Variants in EBF3 observed in about 807,000 individuals in gnomAD.
The protein encoded by EBF3 is transcription factor COE3.
EBF3 carries 18 observed loss-of-function variants against 77.1 expected under a neutral mutation model. The ratio of observed to expected loss-of-function variants is 0.23; its 90% confidence interval spans 0.16 to 0.35. EBF3 has a LOEUF of 0.35. EBF3 is among the 10% of genes least tolerant of loss of function. The pLI, the probability that EBF3 is intolerant of heterozygous loss-of-function variation, is 1.00. For missense variants in EBF3, 558 were observed against 860.0 expected, an observed-to-expected ratio of 0.65 and a Z score of 4.39; for synonymous variants, 350 against 343.5, an observed-to-expected ratio of 1.02 and a Z score of -0.21.
chr10:129,938,994 C>T lies in EBF3; in HGVS notation c.554+18264G>A, dbSNP rs61874158. On this transcript the variant is annotated intron_variant, in intron 6 of 16. Transcript: ENST00000440978. The surrounding 1 kb of genome is among the most constrained non-coding windows in gnomAD (Gnocchi z 5.1). ...CCTGTCCCAAACAAATAAATGAGGG[C>T]TCTTGATGTCTTTCTTTTTCAGAGG... Among the ~76,000 whole-genome samples the T allele has an allele frequency of 7.4e-3, 1,122 of 152,314 alleles. 8 individuals are homozygous for T. Among genetic ancestry groups the T allele is most frequent in the Non-Finnish European group, 0.012 (838 of 68,022 alleles).
In EBF3 at chr10:129,842,340, C is replaced by A. The variant is rs1424592393; in HGVS notation, c.1195-47G>T. On this transcript the variant is annotated intron_variant, in intron 12 of 16. Transcript: ENST00000440978. The surrounding 1 kb of genome is among the most constrained non-coding windows in gnomAD (Gnocchi z 4.4). ...GCCGGCCTGTCACCCCAGGCCCGGC[C>A]CAGCTGGCCGCACTCTCGGGGGCCC... 2 of 1,532,892 alleles carry A rather than the reference C, an allele frequency of 1.3e-6. No homozygotes were observed. Among genetic ancestry groups the A allele is most frequent in the Non-Finnish European group, 1.8e-6 (2 of 1,141,370 alleles). The allele number at this position is 1,532,892 out of a possible 1,614,324, so 95.0% of individuals were successfully genotyped here.
intron 7 of EBF3, among the ~76,000 whole-genome samples, chr10:129,876,514 A>T (rs1028058650): frequency 2.0e-5 from 3 of 152,250 alleles, no homozygotes; most frequent in African/African-American, 7.2e-5. Flanking sequence ...GGCGGGCCCA[A>T]AGAGCCCGCC....
At chr10:129,920,251 G>A (rs1479920966) in intron 6 of EBF3, among the ~76,000 whole-genome samples, 1 of 113,086 alleles carries the variant, frequency 8.8e-6, no homozygotes, top group East Asian at 3.3e-4. Flanking sequence ...CCACAAACCC[G>A]CCCCGCTGTG....
chr10:129,877,457 G>C (rs1852865287), intron 7 of EBF3, among the ~76,000 whole-genome samples: 1 of 145,852 alleles, frequency 6.9e-6, no homozygotes, highest in East Asian at 2.0e-4. Context: ...CTCTAGCCTG[G>C]GATACAGAGC....
chr10:129,838,731 A>G (rs1849789171), intron 16 of EBF3, among the ~76,000 whole-genome samples: 1 of 152,262 alleles, frequency 6.6e-6, no homozygotes, highest in Non-Finnish European at 1.5e-5. Context: ...TGTCAGAATG[A>G]TCGTTCTCAT....
intron 10 of EBF3, among the ~76,000 whole-genome samples, chr10:129,852,474 C>T (rs1003109092): frequency 6.6e-6 from 1 of 152,144 alleles, no homozygotes; most frequent in East Asian, 1.9e-4. Flanking sequence ...AGAGACGTAC[C>T]GGCGGGCAGG....
At position 129,963,956 on chromosome 10, in the gene EBF3, C is replaced by G; in HGVS notation, c.-188G>C. Reference sequence around the variant, plus strand: ...TACACCAGCGGCCGGGCGCTCCGGACGGCCAGGGGCGCGGAGGCGGCTCCA... The same window carrying G: ...TACACCAGCGGCCGGGCGCTCCGGAGGGCCAGGGGCGCGGAGGCGGCTCCA... On this transcript the variant is annotated 5_prime_UTR_variant, in exon 1 of 17. Transcript: ENST00000440978. This position sits in a 1 kb window ranked among gnomAD's most constrained non-coding sequence, Gnocchi z 7.1. 1 of 1,031,532 alleles carries G rather than the reference C, an allele frequency of 9.7e-7. No homozygotes were observed. The highest frequency in any genetic ancestry group is 1.7e-5 in the African/African-American group (1 of 58,010). The allele number at this position is 1,031,532 out of a possible 1,614,324, so 63.9% of individuals were successfully genotyped here. A position where few individuals can be genotyped will look rare whatever the true frequency, so the allele number is the denominator to read the frequency against.
chr10:129,873,030 C>T (rs1452532668), intron 8 of EBF3, among the ~76,000 whole-genome samples: 1 of 152,196 alleles, frequency 6.6e-6, no homozygotes, highest in Non-Finnish European at 1.5e-5. Context: ...CATGCACACG[C>T]ACTCCAGCCA....
chr10:129,867,774 G>C lies in EBF3; in HGVS notation c.912+8C>G. The C allele has an allele frequency of 1.2e-6, 2 of 1,613,138 alleles. No homozygotes were observed. Among genetic ancestry groups the C allele is most frequent in the South Asian group, 2.2e-5 (2 of 91,048 alleles). On this transcript the variant is annotated splice_region_variant and intron_variant, in intron 9 of 16. Transcript: ENST00000440978. ...ACAGCGCGAAGCTGACCGAGTCCGCGGGCTTACCTCGCTCCACACCAACAT... is the reference window on the plus strand; with the variant it reads ...ACAGCGCGAAGCTGACCGAGTCCGCCGGCTTACCTCGCTCCACACCAACAT...
At chr10:129,867,975 TCGG>T in intron 8 of EBF3, 63 bp from the exon 9 acceptor site, 2 of 1,586,320 alleles carry the variant, frequency 1.3e-6, no homozygotes, top group Non-Finnish European at 1.7e-6. Context: ...GCTGGGCCGC[TCGG>T]CCACCGCGCG....
At chr10:129,856,815 T>C (rs1851285269) in intron 10 of EBF3, among the ~76,000 whole-genome samples, 1 of 152,250 alleles carries the variant, frequency 6.6e-6, no homozygotes, top group South Asian at 2.1e-4. Flanking sequence ...ATACTTTGGG[T>C]GAATTCTGTA....
Position 129,841,130 on chromosome 10 carries a change from T to C in EBF3, c.1373-98A>G. 7.5e-6 allele frequency: 11 copies of C among 1,473,134 alleles called. No homozygotes were observed. The highest frequency in any genetic ancestry group is 1.0e-5 in the Non-Finnish European group (11 of 1,096,294). The allele number at this position is 1,473,134 out of a possible 1,614,324, so 91.3% of individuals were successfully genotyped here. On this transcript the variant is annotated intron_variant, in intron 13 of 16. Transcript: ENST00000440978. This position sits in a 1 kb window ranked among gnomAD's most constrained non-coding sequence, Gnocchi z 4.6. ...AATCTATATCATATATTAACATTGCTAATTGACCCTGTGCTTTCCACCTGC... is the reference window on the plus strand; with the variant it reads ...AATCTATATCATATATTAACATTGCCAATTGACCCTGTGCTTTCCACCTGC...
chr10:129,885,482 A>G lies in EBF3; in HGVS notation c.555-7633T>C, dbSNP rs1352282349. 2.0e-5 allele frequency among the ~76,000 whole-genome samples: 3 copies of G among 152,160 alleles called. No individual in the cohort carries two copies. The highest frequency in any genetic ancestry group is 4.4e-5 in the Non-Finnish European group (3 of 68,028). ...CCGGATATTTCATGATAGTTTTGAT[A>G]AGGTTATCTGTTTCAAAGAAGTCAA... On this transcript the variant is annotated intron_variant, in intron 6 of 16. Transcript: ENST00000440978. The surrounding 1 kb of genome is among the most constrained non-coding windows in gnomAD (Gnocchi z 4.0).
At chr10:129,936,114 G>T (rs183999557) in intron 6 of EBF3, among the ~76,000 whole-genome samples, 1 of 152,206 alleles carries the variant, frequency 6.6e-6, no homozygotes, top group Non-Finnish European at 1.5e-5. Flanking sequence ...GAATTATATA[G>T]AATTCCATTT....
At position 129,842,762 on chromosome 10, in the gene EBF3, T is replaced by TAAAA. The variant is rs35249799; in HGVS notation, c.1194+371_1194+374dup. Among the ~76,000 whole-genome samples the TAAAA allele has an allele frequency of 3.1e-4, 35 of 112,662 alleles. No homozygotes were observed. Among genetic ancestry groups the TAAAA allele is most frequent in the South Asian group, 2.3e-3 (7 of 3,096 alleles). The allele number at this position is 112,662 out of a possible 152,430, so 73.9% of individuals were successfully genotyped here. ...CTGGGTGACAGAGCAAGACCCTGTC[T>TAAAA]AAAAAAAAAAAAAAAAAAAGGGAGC... On this transcript the variant is annotated intron_variant, in intron 12 of 16. Coordinates refer to ENST00000440978, the MANE Select transcript of EBF3 (RefSeq NM_001375380.1). The surrounding 1 kb of genome is among the most constrained non-coding windows in gnomAD (Gnocchi z 4.4).
At position 129,883,380 on chromosome 10, in the gene EBF3, C is replaced by T. The variant is rs180868090; in HGVS notation, c.555-5531G>A. 2.4e-3 allele frequency among the ~76,000 whole-genome samples: 359 copies of T among 152,328 alleles called. 1 individual carries two copies. The highest frequency in any genetic ancestry group is 4.6e-3 in the Non-Finnish European group (311 of 68,032). ...GTCCTAGAAGGACAACCCCCTTTTG[C>T]GGCCCTCAATGATGGGTAATGTGGG... On this transcript the variant is annotated intron_variant, in intron 6 of 16. Transcript: ENST00000440978.
intron 10 of EBF3, among the ~76,000 whole-genome samples, chr10:129,857,809 A>G (rs1267840588): frequency 2.0e-5 from 3 of 152,160 alleles, no homozygotes; most frequent in Non-Finnish European, 4.4e-5. Flanking sequence ...TATGAGAACC[A>G]GTAGCTTCCC....
chr10:129,859,952 G>A (rs940187380), intron 10 of EBF3, among the ~76,000 whole-genome samples: 5 of 152,204 alleles, frequency 3.3e-5, no homozygotes, highest in African/African-American at 2.4e-5. Context: ...AAAGAACCAC[G>A]CACTTCTGTT....
In EBF3 at chr10:129,943,170, G is replaced by A. The variant is rs577982630; in HGVS notation, c.554+14088C>T. On this transcript the variant is annotated intron_variant, in intron 6 of 16. Coordinates refer to ENST00000440978, the MANE Select transcript of EBF3 (RefSeq NM_001375380.1). The surrounding 1 kb of genome is among the most constrained non-coding windows in gnomAD (Gnocchi z 8.8). ...AAACAAGGCCCGCCAGAGCCAGAGAGCTGCCAGGCAGCTCTTCATTGGGGC... is the reference window on the plus strand; with the variant it reads ...AAACAAGGCCCGCCAGAGCCAGAGAACTGCCAGGCAGCTCTTCATTGGGGC... Among the ~76,000 whole-genome samples, 1 of 152,210 alleles carries A rather than the reference G, an allele frequency of 6.6e-6. No individual in the cohort carries two copies. Among genetic ancestry groups the A allele is most frequent in the Non-Finnish European group, 1.5e-5 (1 of 68,044 alleles).
Sources: gnomAD v4.1 joint callset for allele counts (sites outside exome capture counted in the v4.1 genomes callset) on GRCh38, gnomAD v4.1.1 for gene constraint, Gnocchi (gnomAD v3.1) non-coding constraint, MANE v1.5 for transcripts, NCBI Gene and HGNC (gene_info 2026-07-23, HGNC 2026-07-21) for gene names.